The following ERI3 variants were observed in gnomAD, a reference collection of about 807,000 sequenced individuals.
ERI3 encodes ERI1 exoribonuclease family member 3, also known as ERI1 exoribonuclease 3.
ERI3 carries 18 observed loss-of-function variants against 44.4 expected under a neutral mutation model. That is an observed-to-expected ratio of 0.41 (90% CI 0.28 to 0.60). The LOEUF is 0.60. Among genes scored for constraint, ERI3 ranks in the 20% least tolerant of loss-of-function variants. The pLI is 0.36. For missense variants in ERI3, 294 were observed against 435.5 expected, an observed-to-expected ratio of 0.68 and a Z score of 2.89; for synonymous variants, 183 against 164.8, an observed-to-expected ratio of 1.11 and a Z score of -0.84.
At chr1:44,308,666 C>G (rs2154327637) in intron 5 of ERI3, among the ~76,000 whole-genome samples, 1 of 152,310 alleles carries the variant, frequency 6.6e-6, no homozygotes, top group Middle Eastern at 3.4e-3. Context: ...CAGCCTGCTC[C>G]AGATCCCAGC....
chr1:44,343,618 T>A (rs1557868882), intron 2 of ERI3, among the ~76,000 whole-genome samples: 1 of 152,186 alleles, frequency 6.6e-6, no homozygotes, highest in Non-Finnish European at 1.5e-5. Context: ...TAAAGGAGAC[T>A]AGAGACTTGA....
intron 6 of ERI3, among the ~76,000 whole-genome samples, chr1:44,303,108 G>C (rs1335372801): frequency 6.6e-6 from 1 of 152,118 alleles, no homozygotes; most frequent in Non-Finnish European, 1.5e-5. Context: ...CTCAGTTCTG[G>C]AGGCACAAAT....
At chr1:44,341,764 C>T (rs1646658753) in intron 2 of ERI3, among the ~76,000 whole-genome samples, 1 of 152,112 alleles carries the variant, frequency 6.6e-6, no homozygotes, top group Admixed American at 6.5e-5. Context: ...GTGCTGCATG[C>T]CTGTAGTCCC....
rs181525299 is a variant in ERI3 at position 44,262,290 on chromosome 1, C to A, written c.832-14252G>T. 6.1e-3 allele frequency among the ~76,000 whole-genome samples: 931 copies of A among 152,340 alleles called. 44 individuals are homozygous for A. The highest frequency in any genetic ancestry group is 0.054 in the Admixed American group (832 of 15,302). ...ACAGTCCCCATCCTTCACAGAGGCC[C>A]AGTTCAAGGCCCCCTTCTGGATGCC... On this transcript the variant is annotated intron_variant, in intron 7 of 8. Transcript: ENST00000372257.
At chr1:44,236,581 G>A (rs531776678) in intron 8 of ERI3, among the ~76,000 whole-genome samples, 3 of 152,066 alleles carry the variant, frequency 2.0e-5, no homozygotes, top group Non-Finnish European at 4.4e-5. Flanking sequence ...GGGGCTCTGG[G>A]GGAAAATAAA....
chr1:44,223,019 C>T (rs568797648), intron 8 of ERI3, among the ~76,000 whole-genome samples: 1 of 152,342 alleles, frequency 6.6e-6, no homozygotes, highest in South Asian at 2.1e-4. Context: ...CAGATCCTAG[C>T]TCTGCAGAGC....
chr1:44,353,283 G>T, intron 1 of ERI3: 1 of 985,298 alleles, frequency 1.0e-6, no homozygotes, highest in Non-Finnish European at 1.2e-6. Context: ...ACTAAGGCTG[G>T]GCCAGGACTG....
chr1:44,349,077 G>A (rs907333332), intron 2 of ERI3, among the ~76,000 whole-genome samples: 4 of 152,282 alleles, frequency 2.6e-5, no homozygotes, highest in African/African-American at 7.2e-5. Context: ...AATTTCTATC[G>A]GGAAGCTGCT....
chr1:44,338,954 G>A, intron 3 of ERI3, 91 bp downstream of exon 3: 2 of 1,466,182 alleles, frequency 1.4e-6, no homozygotes, highest in South Asian at 1.3e-5. Flanking sequence ...AGGAAGGCAT[G>A]AGAAAGCTCC....
chr1:44,315,694 T>A (rs1394990442), intron 4 of ERI3, among the ~76,000 whole-genome samples: 2 of 152,176 alleles, frequency 1.3e-5, no homozygotes, highest in Non-Finnish European at 2.9e-5. Context: ...GCTGAGCTCC[T>A]CAAGGATTTG....
intron 2 of ERI3, among the ~76,000 whole-genome samples, chr1:44,350,091 T>C (rs1223256829): frequency 6.6e-6 from 1 of 152,132 alleles, no homozygotes; most frequent in Non-Finnish European, 1.5e-5. Flanking sequence ...ATAGGACATA[T>C]ATAGAATGAG....
intron 7 of ERI3, among the ~76,000 whole-genome samples, chr1:44,263,515 G>A (rs181158781): frequency 8.5e-5 from 13 of 152,310 alleles, no homozygotes; most frequent in East Asian, 3.9e-4. Context: ...AGCCTCAGCC[G>A]GAGTCAACTT....
chr1:44,312,700 C>A (rs1645998864), intron 5 of ERI3, among the ~76,000 whole-genome samples: 1 of 152,278 alleles, frequency 6.6e-6, no homozygotes, highest in South Asian at 2.1e-4. Context: ...CCAGCCACAG[C>A]TCCTGGAGGA....
intron 3 of ERI3, among the ~76,000 whole-genome samples, chr1:44,323,736 T>C (rs1002223134): frequency 6.6e-6 from 1 of 152,240 alleles, no homozygotes; most frequent in African/African-American, 2.4e-5. Context: ...GTGGGAATCA[T>C]AGTCATCCCT....
At chr1:44,292,871 C>G (rs1645537360) in intron 6 of ERI3, among the ~76,000 whole-genome samples, 1 of 152,224 alleles carries the variant, frequency 6.6e-6, no homozygotes, top group Non-Finnish European at 1.5e-5. Flanking sequence ...CAGCTGGCTC[C>G]TTGTCTGTCT....
intron 7 of ERI3, among the ~76,000 whole-genome samples, chr1:44,281,875 CATAT>C (rs1645294957): frequency 1.2e-5 from 1 of 81,888 alleles, no homozygotes; most frequent in Non-Finnish European, 2.8e-5. Flanking sequence ...TATACATGTG[CATAT>C]GTGTGTGTGT....
chr1:44,335,772 ATCTC>A (rs1313543371), intron 3 of ERI3, among the ~76,000 whole-genome samples: 5 of 147,706 alleles, frequency 3.4e-5, no homozygotes, highest in Non-Finnish European at 3.0e-5. Flanking sequence ...GCGAAACTCC[ATCTC>A]AAAAAAAAAA....
At chr1:44,313,120 G>A (rs1646009103) in intron 5 of ERI3, 49 bp downstream of exon 5, 1 of 1,520,530 alleles carries the variant, frequency 6.6e-7, no homozygotes, top group Non-Finnish European at 9.1e-7. Context: ...GGGAGAGAAA[G>A]GCAGCAGGAA....
chr1:44,288,390 T>C (rs1572194376), intron 6 of ERI3, among the ~76,000 whole-genome samples: 1 of 152,272 alleles, frequency 6.6e-6, no homozygotes, highest in East Asian at 1.9e-4. Flanking sequence ...TGTACAAATG[T>C]AGCAGGGCCC....
Sources: gnomAD v4.1 joint callset for allele counts (sites outside exome capture counted in the v4.1 genomes callset) on GRCh38, gnomAD v4.1.1 for gene constraint, MANE v1.5 for transcripts, NCBI Gene and HGNC (gene_info 2026-07-23, HGNC 2026-07-21) for gene names.